SGCZ: variants seen among roughly 807,000 people sequenced by gnomAD.
SGCZ encodes sarcoglycan zeta.
A neutral mutation model predicts 41.3 loss-of-function variants in SGCZ; 40 were observed. The ratio of observed to expected loss-of-function variants is 0.97; its 90% CI spans 0.75 to 1.26. SGCZ has a LOEUF of 1.26. SGCZ is among the 50% of genes most tolerant of loss of function. The pLI is 0.00. For missense variants in SGCZ, 552 were observed against 369.8 expected (o/e 1.49, Z -4.04); for synonymous variants, 206 against 137.5 (o/e 1.50, Z -3.49).
At chr8:14,585,839 A>T (rs1024232882) in intron 1 of SGCZ, among the ~76,000 whole-genome samples, 1 of 152,212 alleles carries the variant, frequency 6.6e-6, no homozygotes, top group Admixed American at 6.5e-5. Flanking sequence ...GTAGCAAACC[A>T]TGAACACTCA....
chr8:14,106,860 G>C (rs1169154583), intron 6 of SGCZ, among the ~76,000 whole-genome samples: 4 of 152,152 alleles, frequency 2.6e-5, no homozygotes, highest in African/African-American at 9.7e-5. Context: ...ATTTCAGAAT[G>C]TAATTTAGCT....
intron 1 of SGCZ, among the ~76,000 whole-genome samples, chr8:14,845,276 T>C (rs1803060680): frequency 6.6e-6 from 1 of 152,158 alleles, no homozygotes; most frequent in African/African-American, 2.4e-5. Context: ...TAGGGAATAA[T>C]TATTCCTACA....
At chr8:14,575,673 G>A (rs1804685527) in intron 1 of SGCZ, among the ~76,000 whole-genome samples, 1 of 152,058 alleles carries the variant, frequency 6.6e-6, no homozygotes, top group Non-Finnish European at 1.5e-5. Context: ...TTGGGAGGCT[G>A]AGGTAGGTGG....
chr8:15,208,917 AG>A (rs1249367992), intron 1 of SGCZ, among the ~76,000 whole-genome samples: 1 of 151,844 alleles, frequency 6.6e-6, no homozygotes, highest in African/African-American at 2.4e-5. Context: ...AGAGAGAGAG[AG>A]AGAGAATTGT....
At chr8:14,829,753 T>TC (rs1376956775) in intron 1 of SGCZ, among the ~76,000 whole-genome samples, 1 of 152,104 alleles carries the variant, frequency 6.6e-6, no homozygotes, top group Non-Finnish European at 1.5e-5. Context: ...ATTTAAGGGT[T>TC]TTTTTAAAAA....
intron 2 of SGCZ, among the ~76,000 whole-genome samples, chr8:14,434,523 T>C (rs1054257815): frequency 6.6e-6 from 1 of 152,206 alleles, no homozygotes; most frequent in Non-Finnish European, 1.5e-5. Context: ...GGTATTTTGA[T>C]GGCAATTGCA....
At chr8:15,001,515 G>A (rs1802419719) in intron 1 of SGCZ, among the ~76,000 whole-genome samples, 1 of 152,066 alleles carries the variant, frequency 6.6e-6, no homozygotes, top group Non-Finnish European at 1.5e-5. Flanking sequence ...GGATCACGAG[G>A]TCAGGAGATC....
intron 1 of SGCZ, among the ~76,000 whole-genome samples, chr8:14,678,330 C>A (rs574117367): frequency 2.6e-5 from 4 of 152,050 alleles, no homozygotes; most frequent in Non-Finnish European, 4.4e-5. Context: ...ATACAGAGAA[C>A]TCTTAAAATA....
Position 15,095,688 on chromosome 8 carries a change from C to A in SGCZ, c.39+141897G>T, listed in dbSNP as rs182238566. On this transcript the variant is annotated intron_variant, in intron 1 of 7. Transcript: ENST00000382080. ...TTCACTCAGCCAAAAGCCCATTGAC[C>A]TTTACCCCCACACCTGAAGGGACCA... Among the ~76,000 whole-genome samples, 536 of 152,192 alleles carry A rather than the reference C, an allele frequency of 3.5e-3. 5 individuals carry two copies. The highest frequency in any genetic ancestry group is 0.013 in the African/African-American group (520 of 41,530).
intron 1 of SGCZ, among the ~76,000 whole-genome samples, chr8:14,792,283 A>G (rs1427809756): frequency 6.6e-6 from 1 of 152,230 alleles, no homozygotes; most frequent in Non-Finnish European, 1.5e-5. Context: ...TGATTTCAGA[A>G]TCTCTATAGA....
At chr8:14,270,792 A>G (rs944885772) in intron 3 of SGCZ, among the ~76,000 whole-genome samples, 15 of 152,208 alleles carry the variant, frequency 9.9e-5, no homozygotes, top group African/African-American at 3.4e-4. Flanking sequence ...ACTTGGAACC[A>G]ACCCAAATGT....
chr8:14,802,335 C>G lies in SGCZ; in HGVS notation c.40-247409G>C, dbSNP rs943428588. Among the ~76,000 whole-genome samples the G allele has an allele frequency of 2.6e-5, 4 of 152,278 alleles. No individual in the cohort carries two copies. In the East Asian group the frequency reaches 7.7e-4, roughly 29 times the overall value. On this transcript the variant is annotated intron_variant, in intron 1 of 7. Coordinates refer to ENST00000382080, the MANE Select transcript of SGCZ (RefSeq NM_139167.4). ...GATATGACTAAAAATATAAATAAAA[C>G]ATAAATAAAAATGTGTTCTTAACAA... is the stretch of plus-strand genomic sequence containing the variant.
At chr8:15,121,900 CAAAAAAA>C (rs55783598) in intron 1 of SGCZ, among the ~76,000 whole-genome samples, 2 of 126,308 alleles carry the variant, frequency 1.6e-5, no homozygotes, top group Middle Eastern at 8.6e-3. Context: ...CGGCAGTTAC[CAAAAAAA>C]AAAAAAAAAA....
chr8:14,796,935 G>C (rs1801153912), intron 1 of SGCZ, among the ~76,000 whole-genome samples: 1 of 152,182 alleles, frequency 6.6e-6, no homozygotes, highest in South Asian at 2.1e-4. Context: ...ACCCGATGAA[G>C]AGGTGACTTC....
chr8:15,005,748 G>C (rs2012994), intron 1 of SGCZ, among the ~76,000 whole-genome samples: 9 of 151,838 alleles, frequency 5.9e-5, no homozygotes, highest in African/African-American at 1.9e-4. Flanking sequence ...AACCTTAGCT[G>C]ATATTTAACC....
chr8:14,869,577 A>T (rs1340469878), intron 1 of SGCZ, among the ~76,000 whole-genome samples: 2 of 152,224 alleles, frequency 1.3e-5, no homozygotes, highest in African/African-American at 2.4e-5. Flanking sequence ...TAGTGTTGGA[A>T]ATTCTGTCCA....
chr8:14,756,942 G>T (rs1053662279), intron 1 of SGCZ, among the ~76,000 whole-genome samples: 4 of 152,162 alleles, frequency 2.6e-5, no homozygotes, highest in African/African-American at 9.6e-5. Context: ...TTGTAAAAAC[G>T]GCAGAATACT....
chr8:14,783,202 G>A (rs368992775), intron 1 of SGCZ, among the ~76,000 whole-genome samples: 39 of 152,304 alleles, frequency 2.6e-4, no homozygotes, highest in African/African-American at 8.7e-4. Flanking sequence ...GGGAGGCCGA[G>A]GTGGGCGGAT....
rs767735935 is a variant in SGCZ, at chr8:14,554,888, AT to A, written c.77del (p.Asn26IlefsTer35). ...REQYILATQQ[N>X]NLPRTENAQL... is the part of the protein sequence containing the mutation. ...GTGCATTCTCAGTCCTTGGCAGGTT[AT>A]TCTGTTGGGTTGCTAGTATGTATTG... On this transcript the variant is annotated frameshift_variant, in exon 2 of 8. Transcript: ENST00000382080. LOFTEE classifies it high-confidence loss of function. The A allele has an allele frequency of 3.7e-6, 6 of 1,612,918 alleles. No individual in the cohort carries two copies. Among genetic ancestry groups the A allele is most frequent in the Non-Finnish European group, 5.1e-6 (6 of 1,179,408 alleles).
Sources: allele counts gnomAD v4.1 joint callset (sites outside exome capture counted in the v4.1 genomes callset), GRCh38; gene constraint gnomAD v4.1.1; transcripts MANE v1.5; gene names NCBI Gene and HGNC (gene_info 2026-07-23, HGNC 2026-07-21).